The following MYH10 variants were observed in gnomAD, a reference collection of about 807,000 sequenced individuals.
MYH10 encodes the protein myosin-10.
MYH10 carries 55 observed loss-of-function variants against 257.8 expected under a neutral mutation model. The ratio of observed to expected loss-of-function variants is 0.21; its 90% CI spans 0.17 to 0.27. MYH10 has a LOEUF of 0.27. Among genes scored for constraint, MYH10 ranks in the 10% least tolerant of loss-of-function variants. The probability of loss-of-function intolerance (pLI) is 1.00; values close to 1 mark genes in which losing one functional copy is unlikely to be tolerated. For synonymous variants in MYH10, 854 were observed against 921.7 expected (o/e 0.93, Z 1.33); for missense variants, 1,631 against 2,500.6 (o/e 0.65, Z 7.42).
At chr17:8,523,584 C>T (rs2081731476) in intron 17 of MYH10, among the ~76,000 whole-genome samples, 1 of 152,072 alleles carries the variant, frequency 6.6e-6, no homozygotes, top group Non-Finnish European at 1.5e-5. Context: ...GAGGAGGAGG[C>T]ACCAGTGTGA....
chr17:8,480,972 C>T (rs1050223364), intron 38 of MYH10, among the ~76,000 whole-genome samples: 8 of 1,660 alleles, frequency 4.8e-3, no homozygotes, highest in Non-Finnish European at 0.012. Context: ...TGACTTTTAA[C>T]GAAAAAATGA....
intron 13 of MYH10, among the ~76,000 whole-genome samples, chr17:8,544,682 T>C (rs1479843327): frequency 2.0e-5 from 3 of 152,224 alleles, no homozygotes; most frequent in Non-Finnish European, 2.9e-5. Context: ...TGCCGTACTA[T>C]ATTTACATAG....
intron 40 of MYH10, 43 bp downstream of exon 40, chr17:8,480,067 C>T: frequency 6.3e-7 from 1 of 1,598,572 alleles, no homozygotes; most frequent in South Asian, 1.1e-5. Context: ...TCTGACTGAG[C>T]CTAGTTGGTA....
intron 4 of MYH10, among the ~76,000 whole-genome samples, chr17:8,583,687 G>A (rs773947136): frequency 6.6e-5 from 10 of 152,060 alleles, no homozygotes; most frequent in Non-Finnish European, 1.0e-4. Flanking sequence ...AACTTTTAAC[G>A]CATGTTATTC....
intron 36 of MYH10, among the ~76,000 whole-genome samples, chr17:8,487,216 CCAGCA>C (rs1489295513): frequency 6.6e-6 from 1 of 152,242 alleles, no homozygotes; most frequent in Non-Finnish European, 1.5e-5. Flanking sequence ...CCACAGGAGG[CCAGCA>C]TGATGCCTCC....
intron 37 of MYH10, among the ~76,000 whole-genome samples, chr17:8,481,908 G>A (rs1344022437): frequency 6.6e-6 from 1 of 152,202 alleles, no homozygotes; most frequent in African/African-American, 2.4e-5. Flanking sequence ...AGGCAGGTGG[G>A]GGCCTCCGCA....
chr17:8,539,996 T>C (rs975556265), intron 14 of MYH10, among the ~76,000 whole-genome samples: 1 of 152,206 alleles, frequency 6.6e-6, no homozygotes, highest in African/African-American at 2.4e-5. Context: ...CACTTATTTA[T>C]TTTTTTGTTT....
intron 7 of MYH10, among the ~76,000 whole-genome samples, chr17:8,555,755 A>G (rs1477164521): frequency 1.3e-5 from 2 of 152,244 alleles, no homozygotes; most frequent in African/African-American, 4.8e-5. Flanking sequence ...ACAGAATGCA[A>G]AAAGCATGAA....
At chr17:8,571,183 T>G (rs7221667) in intron 6 of MYH10, among the ~76,000 whole-genome samples, 2 of 36,174 alleles carry the variant, frequency 5.5e-5, no homozygotes, top group African/African-American at 1.6e-4. Context: ...GTTTTTGTTT[T>G]TTTTTTTTTG....
chr17:8,567,468 A>G (rs761758274), intron 7 of MYH10, among the ~76,000 whole-genome samples: 4 of 152,204 alleles, frequency 2.6e-5, no homozygotes, highest in African/African-American at 9.6e-5. Context: ...TGAAGGTGCT[A>G]TGGGCTGAAA....
chr17:8,608,854 A>C (rs2084913261), intron 2 of MYH10, among the ~76,000 whole-genome samples: 1 of 143,724 alleles, frequency 7.0e-6, no homozygotes, highest in Non-Finnish European at 1.5e-5. Flanking sequence ...CTCTGTCGCC[A>C]GGCTGGAGTG....
chr17:8,549,699 G>C (rs1028065991), intron 9 of MYH10, among the ~76,000 whole-genome samples: 2 of 151,942 alleles, frequency 1.3e-5, no homozygotes, highest in Non-Finnish European at 2.9e-5. Flanking sequence ...GAATTTACTC[G>C]CTCTCCCTCT....
chr17:8,584,677 G>A (rs140221861), intron 4 of MYH10, among the ~76,000 whole-genome samples: 2 of 152,264 alleles, frequency 1.3e-5, no homozygotes, highest in Non-Finnish European at 2.9e-5. Context: ...GAGTGAAACT[G>A]TTGTTTCCGT....
At chr17:8,505,653 T>C (rs1045405898) in intron 27 of MYH10, among the ~76,000 whole-genome samples, 8 of 152,244 alleles carry the variant, frequency 5.3e-5, no homozygotes, top group Admixed American at 2.6e-4. Flanking sequence ...TGGAGAAATA[T>C]AATTTTTGAA....
rs557379107 is a variant in MYH10 at position 8,611,327 on chromosome 17, G to A, written c.346-6345C>T. On this transcript the variant is annotated intron_variant, in intron 2 of 42. Transcript: ENST00000360416. The stretch of plus-strand genomic sequence containing the variant: ...AGCAAAACTCTAGAATAAGCTTAAT[G>A]CCAGCCAGAGTCTCAAACTATTTCC... Among the ~76,000 whole-genome samples the A allele has an allele frequency of 2.0e-5, 3 of 152,308 alleles. No individual in the cohort carries two copies. In the South Asian group the frequency reaches 6.2e-4, roughly 32 times the overall value.
intron 3 of MYH10, among the ~76,000 whole-genome samples, chr17:8,598,288 T>C (rs2084461884): frequency 6.6e-6 from 1 of 152,232 alleles, no homozygotes; most frequent in African/African-American, 2.4e-5. Context: ...CAATTTTGTC[T>C]TTGCTTATGG....
At chr17:8,501,429 C>T (rs1307518404) in intron 28 of MYH10, among the ~76,000 whole-genome samples, 2 of 152,134 alleles carry the variant, frequency 1.3e-5, no homozygotes, top group Non-Finnish European at 1.5e-5. Context: ...TTGGTTAACA[C>T]AAGATGCCAA....
chr17:8,569,687 G>T lies in MYH10; in HGVS notation c.756+33C>A. ...AGTAAACATTTAACTAGAAATCTAA[G>T]GAATTAAAAGCTTCTGGTGCTTTGA... On this transcript the variant is annotated intron_variant, in intron 7 of 42. Transcript: ENST00000360416. This position sits in a 1 kb window ranked among gnomAD's most constrained non-coding sequence, Gnocchi z 4.1. 7.0e-7 allele frequency: 1 copy of T among 1,436,216 alleles called. No homozygotes were observed. The highest frequency in any genetic ancestry group is 9.6e-7 in the Non-Finnish European group (1 of 1,037,920). 89.0% of individuals were successfully genotyped at this position (1,436,216 alleles called of 1,614,324 possible).
chr17:8,604,303 GTGTCTA>G (rs1645792035), intron 3 of MYH10, among the ~76,000 whole-genome samples: 1 of 152,110 alleles, frequency 6.6e-6, no homozygotes, highest in South Asian at 2.1e-4. Flanking sequence ...ATAAATCACT[GTGTCTA>G]AAGCCAGGGT....
Sources: gnomAD v4.1 joint callset for allele counts (sites outside exome capture counted in the v4.1 genomes callset) on GRCh38, gnomAD v4.1.1 for gene constraint, Gnocchi (gnomAD v3.1) non-coding constraint, MANE v1.5 for transcripts, NCBI Gene and HGNC (gene_info 2026-07-23, HGNC 2026-07-21) for gene names.